The following BRINP3 variants were observed in gnomAD, a reference collection of about 807,000 sequenced individuals.
BRINP3 encodes the protein BMP/retinoic acid inducible neural specific 3.
BRINP3 carries 19 observed loss-of-function variants against 71.0 expected under a neutral mutation model. That is an observed-to-expected ratio of 0.27 (90% confidence interval 0.19 to 0.39). The LOEUF is 0.39. Ranked by LOEUF, BRINP3 falls within the 10% of genes least tolerant of loss-of-function variation. BRINP3 has a pLI of 1.00. For missense variants in BRINP3, 959 were observed against 940.8 expected (o/e 1.02, Z -0.25); for synonymous variants, 380 against 337.7 (o/e 1.13, Z -1.37).
chr1:190,450,606 C>T (rs925189894), intron 2 of BRINP3, among the ~76,000 whole-genome samples: 1 of 151,974 alleles, frequency 6.6e-6, no homozygotes, highest in Non-Finnish European at 1.5e-5. Context: ...ATTCTTATTC[C>T]TGATGAAAAA....
At chr1:190,451,021 A>G (rs1454162696) in intron 2 of BRINP3, among the ~76,000 whole-genome samples, 3 of 152,084 alleles carry the variant, frequency 2.0e-5, no homozygotes, top group Admixed American at 6.5e-5. Flanking sequence ...ATTGTCTCCT[A>G]TTCTCAAATT....
At chr1:190,251,130 C>A (rs1200040228) in intron 4 of BRINP3, among the ~76,000 whole-genome samples, 2 of 151,692 alleles carry the variant, frequency 1.3e-5, no homozygotes, top group East Asian at 3.9e-4. Flanking sequence ...CCCTTTTTAG[C>A]AATTGGTTTC....
At chr1:190,204,665 G>C (rs1655336579) in intron 6 of BRINP3, among the ~76,000 whole-genome samples, 1 of 152,038 alleles carries the variant, frequency 6.6e-6, no homozygotes, top group Admixed American at 6.6e-5. Context: ...TCAAATATCA[G>C]ATGGATAGGT....
At chr1:190,288,116 T>C (rs1330954914) in intron 2 of BRINP3, among the ~76,000 whole-genome samples, 1 of 152,054 alleles carries the variant, frequency 6.6e-6, no homozygotes, top group African/African-American at 2.4e-5. Flanking sequence ...GAATTTTGCT[T>C]AAATTTTGCT....
chr1:190,294,344 G>A (rs938362856), intron 2 of BRINP3, among the ~76,000 whole-genome samples: 3 of 150,678 alleles, frequency 2.0e-5, no homozygotes, highest in African/African-American at 4.9e-5. Context: ...CTGCAGACTC[G>A]ATTTCCCAGG....
rs1321884057 is a variant in BRINP3, at chr1:190,260,480, G to A, written c.618+4385C>T. Among the ~76,000 whole-genome samples the A allele has an allele frequency of 1.3e-5, 2 of 151,782 alleles. 1 individual carries two copies. The highest frequency in any genetic ancestry group is 1.3e-4 in the Admixed American group (2 of 15,228). On this transcript the variant is annotated intron_variant, in intron 4 of 7. Coordinates refer to ENST00000367462, the MANE Select transcript of BRINP3 (RefSeq NM_199051.3). ...TTCCTATAAATGTAAAATATAAAAT[G>A]TGCAACAATTATGAATGGTCCATAT... is the stretch of plus-strand genomic sequence containing the variant.
chr1:190,112,444 T>C (rs1273302123), intron 7 of BRINP3, among the ~76,000 whole-genome samples: 1 of 152,210 alleles, frequency 6.6e-6, no homozygotes, highest in African/African-American at 2.4e-5. Flanking sequence ...TGCATTAGTA[T>C]ATTATGAATT....
chr1:190,194,134 G>A (rs970174015), intron 6 of BRINP3, among the ~76,000 whole-genome samples: 1 of 152,066 alleles, frequency 6.6e-6, no homozygotes, highest in African/African-American at 2.4e-5. Flanking sequence ...GCTATGAAAA[G>A]TAATCTTATA....
In BRINP3 at chr1:190,128,531, A is replaced by G. The variant is rs374284281; in HGVS notation, c.1185-29397T>C. ...AAGGTTATCATTCTCCACTGGTTTC[A>G]CAGAACTTAAATATCAACTTGATCT... On this transcript the variant is annotated intron_variant, in intron 7 of 7. Transcript: ENST00000367462. Among the ~76,000 whole-genome samples the G allele has an allele frequency of 3.9e-5, 6 of 151,938 alleles. No homozygotes were observed. The South Asian group carries it at 1.2e-3, about 31-fold the overall frequency.
chr1:190,248,456 C>T (rs754652589), intron 4 of BRINP3, among the ~76,000 whole-genome samples: 1 of 151,546 alleles, frequency 6.6e-6, no homozygotes, highest in Non-Finnish European at 1.5e-5. Flanking sequence ...TGCCACCTGC[C>T]CATTAAGATA....
At chr1:190,378,932 G>A (rs1046647459) in intron 2 of BRINP3, among the ~76,000 whole-genome samples, 1 of 152,140 alleles carries the variant, frequency 6.6e-6, no homozygotes, top group African/African-American at 2.4e-5. Context: ...CAAACATGAA[G>A]TTCATGCTGC....
chr1:190,387,941 A>T (rs145087660), intron 2 of BRINP3, among the ~76,000 whole-genome samples: 8 of 151,990 alleles, frequency 5.3e-5, no homozygotes, highest in African/African-American at 1.9e-4. Context: ...CCAAAATTAA[A>T]CTATTGTGGT....
At chr1:190,464,248 A>G (rs1442742405) in intron 1 of BRINP3, among the ~76,000 whole-genome samples, 2 of 151,952 alleles carry the variant, frequency 1.3e-5, no homozygotes, top group Admixed American at 6.6e-5. Context: ...AGGGGCTACA[A>G]AAATGGCAGA....
intron 3 of BRINP3, among the ~76,000 whole-genome samples, chr1:190,278,571 C>G (rs1283052895): frequency 6.6e-6 from 1 of 151,520 alleles, no homozygotes; most frequent in African/African-American, 2.4e-5. Flanking sequence ...TTTCATGCAT[C>G]TTAACTGAAT....
intron 2 of BRINP3, among the ~76,000 whole-genome samples, chr1:190,298,885 A>G (rs1664455301): frequency 6.6e-6 from 1 of 152,134 alleles, no homozygotes; most frequent in Non-Finnish European, 1.5e-5. Flanking sequence ...TGTTCTAGCA[A>G]CTGACGACAG....
chr1:190,308,939 C>G (rs1665320624), intron 2 of BRINP3, among the ~76,000 whole-genome samples: 1 of 151,774 alleles, frequency 6.6e-6, no homozygotes, highest in Non-Finnish European at 1.5e-5. Context: ...AATTCCACTT[C>G]TAGATATATA....
chr1:190,462,971 A>C (rs1389347748), intron 1 of BRINP3, among the ~76,000 whole-genome samples: 3 of 147,212 alleles, frequency 2.0e-5, no homozygotes, highest in African/African-American at 7.4e-5. Context: ...TTTTGAATTA[A>C]AGTGATAGTT....
At chr1:190,291,606 A>G (rs537211401) in intron 2 of BRINP3, among the ~76,000 whole-genome samples, 60 of 152,296 alleles carry the variant, frequency 3.9e-4, no homozygotes, top group African/African-American at 1.4e-3. Context: ...ACAATGAGAT[A>G]TCACTTCACT....
Position 190,256,553 on chromosome 1 carries a change from C to T in BRINP3, c.618+8312G>A, listed in dbSNP as rs372786014. ...TATGATGTTAGCTGGTTATTTTGCC[C>T]GTTAGTTGATGCAGTTTCTTCCTAG... On this transcript the variant is annotated intron_variant, in intron 4 of 7. Coordinates refer to ENST00000367462, the MANE Select transcript of BRINP3 (RefSeq NM_199051.3). Among the ~76,000 whole-genome samples the T allele has an allele frequency of 4.2e-4, 64 of 152,084 alleles. 1 individual carries two copies. The South Asian group carries it at 0.012, about 30-fold the overall frequency.
Sources: gnomAD v4.1 joint callset for allele counts (sites outside exome capture counted in the v4.1 genomes callset) on GRCh38, gnomAD v4.1.1 for gene constraint, MANE v1.5 for transcripts, NCBI Gene and HGNC (gene_info 2026-07-23, HGNC 2026-07-21) for gene names.